SNX31: variants seen among roughly 807,000 people sequenced by gnomAD.
SNX31 encodes the protein sorting nexin 31.
In SNX31, 58 loss-of-function variants were observed where a neutral mutation model predicts 65.4. The observed-to-expected ratio is 0.89, with a 90% CI of 0.72 to 1.10. The LOEUF (loss-of-function observed/expected upper bound fraction) is 1.10. Among genes scored for constraint, SNX31 ranks in the 50% least tolerant of loss-of-function variants. The probability of loss-of-function intolerance (pLI) is 0.00; values close to 1 mark genes in which losing one functional copy is unlikely to be tolerated. For missense variants in SNX31, 523 were observed against 529.7 expected (o/e 0.99, Z 0.12); for synonymous variants, 181 against 190.1 (o/e 0.95, Z 0.39).
chr8:100,612,897 C>T lies in SNX31; in HGVS notation c.523+98G>A. ...GAGAACAGTGGTAGGGATCACAGCC[C>T]AGTGGGTGGCCAGCCCCTCAGCTGT... On this transcript the variant is annotated intron_variant, in intron 6 of 13. Transcript: ENST00000311812. This position sits in a 1 kb window ranked among gnomAD's most constrained non-coding sequence, Gnocchi z 4.3. 1.0e-6 allele frequency: 1 copy of T among 978,920 alleles called. No individual in the cohort carries two copies. The highest frequency in any genetic ancestry group is 1.7e-6 in the Non-Finnish European group (1 of 605,794). 60.6% of individuals were successfully genotyped at this position (978,920 alleles called of 1,614,324 possible).
At chr8:100,585,442 G>A (rs1477255310) in intron 11 of SNX31, among the ~76,000 whole-genome samples, 2 of 152,160 alleles carry the variant, frequency 1.3e-5, no homozygotes, top group African/African-American at 2.4e-5. Context: ...TGGGGTGGTA[G>A]CCAAGTAGGA....
At chr8:100,580,414 T>C (rs1449290510) in intron 12 of SNX31, among the ~76,000 whole-genome samples, 1 of 152,138 alleles carries the variant, frequency 6.6e-6, no homozygotes, top group Non-Finnish European at 1.5e-5. Context: ...TCCTTAGTAA[T>C]TACACCCAGT....
chr8:100,635,952 C>G lies in SNX31; in HGVS notation c.201G>C (p.Met67Ile). 6.2e-7 allele frequency: 1 copy of G among 1,614,132 alleles called. No individual in the cohort carries two copies. The highest frequency in any genetic ancestry group is 8.5e-7 in the Non-Finnish European group (1 of 1,179,996). ...TCCTCTCATCAGCCATAGCTGTGGT[C>G]ATTGCCAGATAGTACTTTGGTGGGA... is the stretch of plus-strand genomic sequence containing the variant. ...PPFPPKYYLA[M>I]TTAMADERRD... The change falls in exon 3 of 14, where the codon ATG (methionine) becomes ATC (isoleucine). Residue 67 changes from methionine (M) to isoleucine (I), a missense_variant. Met to Ile is a conservative substitution (Grantham distance 10). Coordinates refer to ENST00000311812, the MANE Select transcript of SNX31 (RefSeq NM_152628.4).
chr8:100,624,934 G>A (rs1023459857), intron 4 of SNX31, among the ~76,000 whole-genome samples: 5 of 151,768 alleles, frequency 3.3e-5, no homozygotes, highest in African/African-American at 1.2e-4. Flanking sequence ...CCAGAGTAGC[G>A]GGGGCTATAG....
chr8:100,651,607 G>C (rs1192040680), upstream of SNX31, among the ~76,000 whole-genome samples: 1 of 152,208 alleles, frequency 6.6e-6, no homozygotes, highest in Non-Finnish European at 1.5e-5. Context: ...CAGTCATTCA[G>C]TCAGTGAACA....
At position 100,594,931 on chromosome 8, in the gene SNX31, G is replaced by C. The variant is rs1176984308; in HGVS notation, c.978+1708C>G. Among the ~76,000 whole-genome samples, 1 of 152,130 alleles carries C rather than the reference G, an allele frequency of 6.6e-6. No homozygotes were observed. Among genetic ancestry groups the C allele is most frequent in the African/African-American group, 2.4e-5 (1 of 41,424 alleles). ...ATGAGTAAATGGTTAAGCAAACTTT[G>C]GCACATCCAGACCATGGACTGCTGC... On this transcript the variant is annotated intron_variant, in intron 10 of 13. Coordinates refer to ENST00000311812, the MANE Select transcript of SNX31 (RefSeq NM_152628.4). The surrounding 1 kb of genome is among the most constrained non-coding windows in gnomAD (Gnocchi z 4.0).
At chr8:100,642,859 G>T (rs1001176411) in intron 2 of SNX31, among the ~76,000 whole-genome samples, 13 of 151,930 alleles carry the variant, frequency 8.6e-5, no homozygotes, top group Non-Finnish European at 1.8e-4. Flanking sequence ...AGTATTGTGG[G>T]TTTTTTTTAA....
At chr8:100,645,791 G>T (rs1211767247) in intron 2 of SNX31, among the ~76,000 whole-genome samples, 1 of 151,850 alleles carries the variant, frequency 6.6e-6, no homozygotes, top group East Asian at 1.9e-4. Flanking sequence ...TTGTATTTTT[G>T]GTAGAGACAG....
At chr8:100,574,721 G>A (rs887320385) in intron 13 of SNX31, among the ~76,000 whole-genome samples, 9 of 151,656 alleles carry the variant, frequency 5.9e-5, no homozygotes, top group Non-Finnish European at 8.8e-5. Flanking sequence ...ATCACTTGAG[G>A]CCAGGAGTAC....
At chr8:100,596,960 G>T in intron 9 of SNX31, 118 bp from the exon 10 acceptor site, 1 of 823,208 alleles carries the variant, frequency 1.2e-6, no homozygotes. Flanking sequence ...ACATGGAACT[G>T]AGTCACAGTG....
chr8:100,623,374 T>C lies in SNX31; in HGVS notation c.322-5644A>G, dbSNP rs894268370. 2.0e-5 allele frequency among the ~76,000 whole-genome samples: 3 copies of C among 152,286 alleles called. No individual in the cohort carries two copies. In the East Asian group the frequency reaches 5.8e-4, roughly 29 times the overall value. On this transcript the variant is annotated intron_variant, in intron 4 of 13. Transcript: ENST00000311812. ...TCCCGCCAGGCTCCACCTCCAACAC[T>C]GGGAACTACAATTCAACATGGGATT... is the stretch of plus-strand genomic sequence containing the variant.
intron 1 of SNX31, among the ~76,000 whole-genome samples, chr8:100,659,554 G>T (rs1274393065): frequency 6.6e-6 from 1 of 152,084 alleles, no homozygotes; most frequent in Non-Finnish European, 1.5e-5. Context: ...CAAGTAACGA[G>T]AATGTTTCCT....
chr8:100,594,609 A>G lies in SNX31; in HGVS notation c.978+2030T>C, dbSNP rs563835086. 1.3e-5 allele frequency among the ~76,000 whole-genome samples: 2 copies of G among 152,252 alleles called. No individual in the cohort carries two copies. The highest frequency in any genetic ancestry group is 2.9e-5 in the Non-Finnish European group (2 of 68,042). ...CACAATGAAATATCTTTACACATAT[A>G]TTAGAATGACTACAATAAAAAAAAT... On this transcript the variant is annotated intron_variant, in intron 10 of 13. Transcript: ENST00000311812. The surrounding 1 kb of genome is among the most constrained non-coding windows in gnomAD (Gnocchi z 4.0).
intron 4 of SNX31, chr8:100,618,231 T>C: frequency 1.4e-6 from 2 of 1,444,948 alleles, no homozygotes; most frequent in South Asian, 2.7e-5. Context: ...AGGAGTAACA[T>C]GAAGCTTAAA....
At position 100,649,280 on chromosome 8, in the gene SNX31, G is replaced by A; in HGVS notation, c.135C>T (p.Asn45=). 6.2e-7 allele frequency: 1 copy of A among 1,614,000 alleles called. No individual in the cohort carries two copies. Among genetic ancestry groups the A allele is most frequent in the East Asian group, 2.2e-5 (1 of 44,876 alleles). Reference sequence around the variant, plus strand: ...CCGCCTCCAATCTGCTCACCTGTTCGTTCCAACCGTGCAGCTGGCTGTAGC... The same window carrying A: ...CCGCCTCCAATCTGCTCACCTGTTCATTCCAACCGTGCAGCTGGCTGTAGC... The part of the protein sequence containing the change: ...RVRYSQLHGW[N]EQLRRVFGNC... Residue 45 remains asparagine, a synonymous_variant, in exon 2 of 14, where the codon AAC becomes AAT. Transcript: ENST00000311812.
rs75202235 is a variant in SNX31, at chr8:100,648,295, G to A, written c.141+979C>T. 5.0e-3 allele frequency among the ~76,000 whole-genome samples: 750 copies of A among 150,192 alleles called. 2 individuals carry two copies. The highest frequency in any genetic ancestry group is 7.9e-3 in the Non-Finnish European group (537 of 67,716). On this transcript the variant is annotated intron_variant, in intron 2 of 13. Coordinates refer to ENST00000311812, the MANE Select transcript of SNX31 (RefSeq NM_152628.4). This position sits in a 1 kb window ranked among gnomAD's most constrained non-coding sequence, Gnocchi z 4.3. ...ACAAACAAAAACAGCTGTTACCTCTGGGAAAGTTTTTTCAGTTTTCTCTAC... is the reference window on the plus strand; with the variant it reads ...ACAAACAAAAACAGCTGTTACCTCTAGGAAAGTTTTTTCAGTTTTCTCTAC...
intron 13 of SNX31, among the ~76,000 whole-genome samples, chr8:100,574,711 A>C (rs1410952520): frequency 2.0e-5 from 3 of 151,452 alleles, no homozygotes; most frequent in East Asian, 3.9e-4. Context: ...GAGGTGGTGG[A>C]TCACTTGAGG....
rs886789154 is a variant in SNX31, at chr8:100,613,193, T to G, written c.433-108A>C. 115 of 831,980 alleles carry G rather than the reference T, an allele frequency of 1.4e-4. No homozygotes were observed. The highest frequency in any genetic ancestry group is 2.3e-4 in the Non-Finnish European group (113 of 500,152). The allele number at this position is 831,980 out of a possible 1,614,324, so 51.5% of individuals were successfully genotyped here. ...GCCGGTACACATCAATAAAAAATGCTGTCATGGGTTAGTGAACACTCAAAG... is the reference window on the plus strand; with the variant it reads ...GCCGGTACACATCAATAAAAAATGCGGTCATGGGTTAGTGAACACTCAAAG... On this transcript the variant is annotated intron_variant, in intron 5 of 13. Coordinates refer to ENST00000311812, the MANE Select transcript of SNX31 (RefSeq NM_152628.4). The surrounding 1 kb of genome is among the most constrained non-coding windows in gnomAD (Gnocchi z 5.2).
rs559285970 is a variant in SNX31 at position 100,609,186 on chromosome 8, C to T, written c.612-623G>A. Among the ~76,000 whole-genome samples, 3 of 152,194 alleles carry T rather than the reference C, an allele frequency of 2.0e-5. No individual in the cohort carries two copies. Among genetic ancestry groups the T allele is most frequent in the African/African-American group, 4.8e-5 (2 of 41,446 alleles). ...TCTCTCACCAACCCCACCACCAACGCTACATTCCAACCATGTTTTCTCTCC... is the reference window on the plus strand; with the variant it reads ...TCTCTCACCAACCCCACCACCAACGTTACATTCCAACCATGTTTTCTCTCC... On this transcript the variant is annotated intron_variant, in intron 7 of 13. Coordinates refer to ENST00000311812, the MANE Select transcript of SNX31 (RefSeq NM_152628.4). This position sits in a 1 kb window ranked among gnomAD's most constrained non-coding sequence, Gnocchi z 4.9.
Sources: gnomAD v4.1 joint callset for allele counts (sites outside exome capture counted in the v4.1 genomes callset) on GRCh38, gnomAD v4.1.1 for gene constraint, Gnocchi (gnomAD v3.1) non-coding constraint, MANE v1.5 for transcripts, NCBI Gene and HGNC (gene_info 2026-07-23, HGNC 2026-07-21) for gene names.